The following LARP1 variants were observed in gnomAD, a reference collection of about 807,000 sequenced individuals.
LARP1 encodes the protein la-related protein 1.
A neutral mutation model predicts 122.7 loss-of-function variants in LARP1; 36 were observed. The observed-to-expected ratio is 0.29, with a 90% CI of 0.22 to 0.39. LARP1 has a LOEUF of 0.39. LARP1 is among the 10% of genes least tolerant of loss of function. The pLI is 1.00. For missense variants in LARP1, 1,040 were observed against 1,403.6 expected, an observed-to-expected ratio of 0.74 and a Z score of 4.14; for synonymous variants, 539 against 528.7, an observed-to-expected ratio of 1.02 and a Z score of -0.27.
intron 1 of LARP1, among the ~76,000 whole-genome samples, chr5:154,696,616 A>G (rs1291903575): frequency 6.6e-6 from 1 of 152,204 alleles, no homozygotes; most frequent in Non-Finnish European, 1.5e-5. Flanking sequence ...CCCTGAGAAA[A>G]CAGGTACACA....
At chr5:154,691,578 A>T (rs2113206625) in intron 1 of LARP1, among the ~76,000 whole-genome samples, 1 of 152,228 alleles carries the variant, frequency 6.6e-6, no homozygotes, top group East Asian at 1.9e-4. Flanking sequence ...AGGCTCCGGG[A>T]TCCTGCGGAG....
intron 1 of LARP1, chr5:154,786,753 A>G: frequency 4.8e-6 from 1 of 208,170 alleles, no homozygotes; most frequent in South Asian, 6.0e-5. Flanking sequence ...AAGGGAGTCA[A>G]GACCTACAGC....
intron 1 of LARP1, among the ~76,000 whole-genome samples, chr5:154,693,057 T>C (rs947202313): frequency 6.7e-6 from 1 of 150,088 alleles, no homozygotes; most frequent in Non-Finnish European, 1.5e-5. Context: ...ACTCCTGGGC[T>C]CAAGGGATCC....
chr5:154,747,863 C>CAA (rs1416255895), intron 1 of LARP1, among the ~76,000 whole-genome samples: 2 of 143,896 alleles, frequency 1.4e-5, no homozygotes, highest in Admixed American at 6.9e-5. Flanking sequence ...GACTCCATCT[C>CAA]AAAAAAAAAA....
In LARP1 at chr5:154,802,047, C is replaced by T; in HGVS notation, c.1757C>T (p.Pro586Leu). ...AGATTTTCCCACCTGACCTCTCTGC[C>T]TCAGCAGCTGCCTTCCCAGCAGCTG... The part of the protein sequence containing the change: ...ESRFSHLTSL[P>L]QQLPSQQLMS... The change falls in exon 11 of 19, where the codon CCT becomes CTT. Residue 586 changes from proline (P) to leucine (L), a missense_variant. Physicochemically the swap from Pro to Leu is moderately conservative, Grantham distance 98. Coordinates refer to ENST00000518297, the MANE Select transcript of LARP1 (RefSeq NM_033551.3). The surrounding 1 kb of genome is among the most constrained non-coding windows in gnomAD (Gnocchi z 5.1). 6.2e-7 allele frequency: 1 copy of T among 1,613,924 alleles called. No individual in the cohort carries two copies. The highest frequency in any genetic ancestry group is 1.1e-5 in the South Asian group (1 of 91,060).
intron 15 of LARP1, among the ~76,000 whole-genome samples, chr5:154,806,745 C>T (rs916990704): frequency 5.3e-5 from 8 of 152,188 alleles, no homozygotes; most frequent in African/African-American, 1.9e-4. Context: ...AACGTGGTTG[C>T]TAAATTCTTG....
chr5:154,687,690 A>G (rs1159430114), intron 1 of LARP1, among the ~76,000 whole-genome samples: 1 of 152,086 alleles, frequency 6.6e-6, no homozygotes, highest in East Asian at 1.9e-4. Context: ...CTGTATTTAT[A>G]TATAAGTTGG....
chr5:154,707,225 C>T (rs1182852398), intron 1 of LARP1, among the ~76,000 whole-genome samples: 1 of 152,112 alleles, frequency 6.6e-6, no homozygotes, highest in Non-Finnish European at 1.5e-5. Context: ...CTTGGCAATA[C>T]AGCCAGACCC....
intron 1 of LARP1, among the ~76,000 whole-genome samples, chr5:154,788,092 G>A (rs375656677): frequency 5.5e-4 from 84 of 152,298 alleles, no homozygotes; most frequent in African/African-American, 1.9e-3. Flanking sequence ...CAGTGTTGCT[G>A]GGTACTGGGA....
intron 1 of LARP1, among the ~76,000 whole-genome samples, chr5:154,789,997 T>C (rs1045151213): frequency 6.6e-6 from 1 of 152,218 alleles, no homozygotes; most frequent in African/African-American, 2.4e-5. Context: ...TCTGGTGGCA[T>C]GGACTTCTTT....
intron 1 of LARP1, among the ~76,000 whole-genome samples, chr5:154,738,866 A>G (rs944007127): frequency 2.6e-4 from 39 of 152,100 alleles, no homozygotes; most frequent in African/African-American, 8.9e-4. Context: ...AGGATACAAT[A>G]AGCTATGATC....
Position 154,728,549 on chromosome 5 carries a change from TGGAG to T in LARP1, c.205+15420_205+15423del, listed in dbSNP as rs544667630. 1.8e-4 allele frequency among the ~76,000 whole-genome samples: 28 copies of T among 151,902 alleles called. No homozygotes were observed. In the South Asian group the frequency reaches 5.6e-3, roughly 31 times the overall value. On this transcript the variant is annotated intron_variant, in intron 1 of 18. Coordinates refer to the LARP1 transcript ENST00000336314. Reference sequence around the variant, plus strand: ...AGTTGAGCCTATCCTTCTGGGAAAATGGAGAGAGAGGCAGAGCCGACAGCCAACA... The same window carrying T: ...AGTTGAGCCTATCCTTCTGGGAAAATAGAGAGGCAGAGCCGACAGCCAACA...
At chr5:154,717,637 T>TGG (rs1755591066) in intron 1 of LARP1, among the ~76,000 whole-genome samples, 1 of 152,174 alleles carries the variant, frequency 6.6e-6, no homozygotes, top group African/African-American at 2.4e-5. Flanking sequence ...ACACAGGACA[T>TGG]TTAGGGACAG....
chr5:154,730,723 C>T (rs113765651), intron 1 of LARP1, among the ~76,000 whole-genome samples: 7,606 of 151,776 alleles, frequency 0.05, 267 homozygotes, highest in Middle Eastern at 0.089. Context: ...CTGCCTGCCT[C>T]GGCCTCCCAA....
chr5:154,686,228 G>C (rs1038799316), intron 1 of LARP1, among the ~76,000 whole-genome samples: 1 of 152,222 alleles, frequency 6.6e-6, no homozygotes, highest in East Asian at 1.9e-4. Context: ...GTGGGCATAG[G>C]ATGAGACAGG....
intron 1 of LARP1, among the ~76,000 whole-genome samples, chr5:154,698,621 A>T (rs1754581646): frequency 1.3e-5 from 2 of 152,150 alleles, no homozygotes. Flanking sequence ...AAATAAATAA[A>T]AATTGATTGT....
intron 1 of LARP1, among the ~76,000 whole-genome samples, chr5:154,696,558 T>C (rs1183676984): frequency 1.3e-5 from 2 of 152,206 alleles, no homozygotes; most frequent in Non-Finnish European, 2.9e-5. Context: ...TCTCATGTAA[T>C]CCTTACAGTG....
rs60485690 is a variant in LARP1, at chr5:154,777,348, T to TAA, written c.437-12963_437-12962dup. ...CAACGTGGTGAAACCCCATCTCTGCTAAAAAAAAAAAAAAATGCAAAAATT... is the reference window on the plus strand; with the variant it reads ...CAACGTGGTGAAACCCCATCTCTGCTAAAAAAAAAAAAAAAAATGCAAAAATT... On this transcript the variant is annotated intron_variant, in intron 1 of 18. Coordinates refer to ENST00000518297, the MANE Select transcript of LARP1 (RefSeq NM_033551.3). 7.2e-3 allele frequency among the ~76,000 whole-genome samples: 988 copies of TAA among 137,234 alleles called. 5 individuals are homozygous for TAA. The highest frequency in any genetic ancestry group is 9.8e-3 in the Non-Finnish European group (614 of 62,826). The allele number at this position is 137,234 out of a possible 152,430, so 90.0% of individuals were successfully genotyped here.
Position 154,770,188 on chromosome 5 carries a change from A to G in LARP1, c.436+13995A>G, listed in dbSNP as rs1289722857. Among the ~76,000 whole-genome samples the G allele has an allele frequency of 4.0e-5, 6 of 151,324 alleles. No homozygotes were observed. The East Asian group carries it at 5.8e-4, about 15-fold the overall frequency. On this transcript the variant is annotated intron_variant, in intron 1 of 18. Transcript: ENST00000518297. ...GACTACTTCTGTAGTAGTCCAGGAA[A>G]AAGATGGAGAGGAGGGGGATGATGG...
Sources: allele counts gnomAD v4.1 joint callset (sites outside exome capture counted in the v4.1 genomes callset), GRCh38; gene constraint gnomAD v4.1.1; non-coding constraint Gnocchi (gnomAD v3.1); transcripts MANE v1.5; gene names NCBI Gene and HGNC (gene_info 2026-07-23, HGNC 2026-07-21).